Variants in BMPER observed in about 807,000 individuals in gnomAD.
BMPER encodes the protein BMP-binding endothelial regulator protein.
BMPER carries 45 observed loss-of-function variants against 87.3 expected under a neutral mutation model. The observed-to-expected ratio is 0.52, with a 90% CI of 0.41 to 0.66. The LOEUF is 0.66. Ranked by LOEUF, BMPER falls within the 30% of genes least tolerant of loss-of-function variation. BMPER has a pLI of 0.00. For synonymous variants in BMPER, 326 were observed against 316.2 expected, an observed-to-expected ratio of 1.03 and a Z score of -0.33; for missense variants, 784 against 867.5, an observed-to-expected ratio of 0.90 and a Z score of 1.21.
chr7:33,949,566 C>G (rs1562648161), intron 3 of BMPER, among the ~76,000 whole-genome samples: 1 of 152,060 alleles, frequency 6.6e-6, no homozygotes, highest in Non-Finnish European at 1.5e-5. Context: ...GCATTCCCTC[C>G]CCACCATTGA....
At chr7:34,043,402 T>A (rs920113307) in intron 6 of BMPER, among the ~76,000 whole-genome samples, 2 of 152,162 alleles carry the variant, frequency 1.3e-5, no homozygotes, top group African/African-American at 4.8e-5. Flanking sequence ...GATGTAGACC[T>A]ATAAGTGTTT....
chr7:33,958,683 C>T (rs1355696803), intron 3 of BMPER, among the ~76,000 whole-genome samples: 34 of 152,146 alleles, frequency 2.2e-4, no homozygotes, highest in Admixed American at 1.6e-3. Flanking sequence ...GAAGAGTGGC[C>T]GTTTGTTCCC....
chr7:33,922,202 A>G (rs1162237837), intron 2 of BMPER, among the ~76,000 whole-genome samples: 1 of 151,774 alleles, frequency 6.6e-6, no homozygotes, highest in Non-Finnish European at 1.5e-5. Flanking sequence ...CTTTAAACTT[A>G]TTTTTTTTGA....
At chr7:34,018,191 A>T (rs1787084387) in intron 6 of BMPER, among the ~76,000 whole-genome samples, 1 of 151,798 alleles carries the variant, frequency 6.6e-6, no homozygotes, top group Admixed American at 6.6e-5. Flanking sequence ...TAGAGGACAT[A>T]ATGGTTTGAA....
chr7:33,932,015 C>G (rs1397425970), intron 2 of BMPER, among the ~76,000 whole-genome samples: 1 of 152,134 alleles, frequency 6.6e-6, no homozygotes, highest in African/African-American at 2.4e-5. Context: ...GACTAGGAAC[C>G]TTGCTGTATG....
At chr7:33,972,093 C>T (rs1157029139) in intron 5 of BMPER, among the ~76,000 whole-genome samples, 5 of 151,980 alleles carry the variant, frequency 3.3e-5, no homozygotes, top group Non-Finnish European at 5.9e-5. Context: ...TTAGTAGAGA[C>T]GGGGTTTCAC....
chr7:34,118,859 A>G (rs1400174960), intron 13 of BMPER, among the ~76,000 whole-genome samples: 3 of 152,150 alleles, frequency 2.0e-5, no homozygotes. Flanking sequence ...TTCTGCCAGC[A>G]GATCACCATC....
intron 3 of BMPER, among the ~76,000 whole-genome samples, chr7:33,958,920 G>A (rs1785207121): frequency 6.6e-6 from 1 of 152,118 alleles, no homozygotes; most frequent in South Asian, 2.1e-4. Context: ...TTGAATGGTG[G>A]GGGCAGTTTC....
At chr7:34,131,311 T>C (rs1790582364) in intron 13 of BMPER, among the ~76,000 whole-genome samples, 1 of 152,046 alleles carries the variant, frequency 6.6e-6, no homozygotes, top group African/African-American at 2.4e-5. Context: ...GCAAAGGGCA[T>C]TGAGTGTGAA....
chr7:33,960,015 A>G (rs1225499458), intron 3 of BMPER, among the ~76,000 whole-genome samples: 2 of 152,226 alleles, frequency 1.3e-5, no homozygotes, highest in African/African-American at 4.8e-5. Flanking sequence ...ATTAAGTGAA[A>G]TAGCTTTCTA....
intron 2 of BMPER, among the ~76,000 whole-genome samples, chr7:33,907,232 A>G (rs1274843756): frequency 6.6e-6 from 1 of 152,176 alleles, no homozygotes; most frequent in Non-Finnish European, 1.5e-5. Context: ...TTGGGACAAC[A>G]AAACTTTCTG....
intron 3 of BMPER, among the ~76,000 whole-genome samples, chr7:33,943,876 C>G (rs1422070923): frequency 1.3e-5 from 2 of 152,180 alleles, no homozygotes; most frequent in African/African-American, 2.4e-5. Flanking sequence ...TGTTCCTCCC[C>G]CTTTTGGTGG....
chr7:34,003,430 C>T (rs956664703), intron 6 of BMPER, among the ~76,000 whole-genome samples: 6 of 151,896 alleles, frequency 4.0e-5, no homozygotes, highest in African/African-American at 1.4e-4. Context: ...GTATTATAAA[C>T]CCATCAGCAC....
At chr7:34,101,235 T>G (rs1420337) in intron 13 of BMPER, among the ~76,000 whole-genome samples, 1 of 152,156 alleles carries the variant, frequency 6.6e-6, no homozygotes, top group African/African-American at 2.4e-5. Flanking sequence ...TTTCCCATGC[T>G]GGAGAAAGGA....
At position 33,989,193 on chromosome 7, in the gene BMPER, T is replaced by C. The variant is rs1313646078; in HGVS notation, c.576+14409T>C. Among the ~76,000 whole-genome samples the C allele has an allele frequency of 2.9e-5, 4 of 137,920 alleles. No individual in the cohort carries two copies. In the East Asian group the frequency reaches 8.4e-4, roughly 29 times the overall value. The allele number at this position is 137,920 out of a possible 152,430, so 90.5% of individuals were successfully genotyped here. The stretch of plus-strand genomic sequence containing the variant: ...CTAGATCCCTGAGGAATCGCCACAC[T>C]GACTTCCACAATAGTTGAACTAGTT... On this transcript the variant is annotated intron_variant, in intron 6 of 14. Coordinates refer to ENST00000649409, the MANE Select transcript of BMPER (RefSeq NM_001365308.1).
chr7:33,941,245 A>T (rs1254766832), intron 3 of BMPER, among the ~76,000 whole-genome samples: 2 of 144,914 alleles, frequency 1.4e-5, no homozygotes, highest in East Asian at 3.9e-4. Flanking sequence ...TATATTATAT[A>T]CATTTTTATA....
chr7:34,143,402 C>T, intron 14 of BMPER, 42 bp downstream of exon 14: 1 of 1,611,988 alleles, frequency 6.2e-7, no homozygotes, highest in South Asian at 1.1e-5. Flanking sequence ...AAGTTTACTG[C>T]AATGCCCAAG....
intron 8 of BMPER, 30 bp downstream of exon 8, chr7:34,052,000 G>C (rs13221100): frequency 6.4e-7 from 1 of 1,564,154 alleles, no homozygotes; most frequent in Non-Finnish European, 8.8e-7. Flanking sequence ...CTGTGGTCCA[G>C]CAATGATAGG....
chr7:34,071,212 C>A (rs1788728905), intron 11 of BMPER, among the ~76,000 whole-genome samples: 1 of 152,170 alleles, frequency 6.6e-6, no homozygotes, highest in Non-Finnish European at 1.5e-5. Context: ...TCTTACTCAA[C>A]CCCATTTTAG....
Sources: gnomAD v4.1 joint callset for allele counts (sites outside exome capture counted in the v4.1 genomes callset) on GRCh38, gnomAD v4.1.1 for gene constraint, MANE v1.5 for transcripts, NCBI Gene and HGNC (gene_info 2026-07-23, HGNC 2026-07-21) for gene names.